MTF1: variants seen among roughly 807,000 people sequenced by gnomAD.
MTF1 encodes the protein MRE-binding transcription factor.
MTF1 carries 22 observed loss-of-function variants against 70.4 expected under a neutral mutation model. The observed-to-expected ratio is 0.31, with a 90% confidence interval of 0.22 to 0.45. MTF1 has a LOEUF of 0.45. Ranked by LOEUF, MTF1 falls within the 20% of genes least tolerant of loss-of-function variation. The probability of loss-of-function intolerance (pLI) is 1.00; values close to 1 mark genes in which losing one functional copy is unlikely to be tolerated. For synonymous variants in MTF1, 333 were observed against 352.8 expected (o/e 0.94, Z 0.63); for missense variants, 649 against 922.0 (o/e 0.70, Z 3.83).
At chr1:37,851,635 C>T (rs952506618) in intron 2 of MTF1, among the ~76,000 whole-genome samples, 2 of 152,144 alleles carry the variant, frequency 1.3e-5, no homozygotes, top group African/African-American at 4.8e-5. Flanking sequence ...ACATCAAAGG[C>T]TCTGAGAAGT....
At chr1:37,816,623 C>T (rs531369612) in intron 10 of MTF1, among the ~76,000 whole-genome samples, 13 of 144,100 alleles carry the variant, frequency 9.0e-5, no homozygotes, top group South Asian at 8.8e-4. Flanking sequence ...TGCAGTGAGC[C>T]GGGATTGCGC....
chr1:37,840,890 G>A lies in MTF1; in HGVS notation c.409-732C>T, dbSNP rs1641244902. The A allele has an allele frequency of 4.2e-6, 1 of 238,388 alleles. No homozygotes were observed. The highest frequency in any genetic ancestry group is 8.3e-6 in the Non-Finnish European group (1 of 121,008). 14.8% of individuals were successfully genotyped at this position (238,388 alleles called of 1,614,324 possible). ...CCCAGCAGCTTCCTCAGAGACTTTG[G>A]CAGGGATATTGGGGCCAGGGTCATG... On this transcript the variant is annotated intron_variant, in intron 2 of 10. Transcript: ENST00000373036. This position sits in a 1 kb window ranked among gnomAD's most constrained non-coding sequence, Gnocchi z 4.5.
At chr1:37,849,963 C>A (rs1176835927) in intron 2 of MTF1, among the ~76,000 whole-genome samples, 1 of 152,158 alleles carries the variant, frequency 6.6e-6, no homozygotes, top group Non-Finnish European at 1.5e-5. Context: ...CCTTAAAGGG[C>A]CAGACATGGT....
In MTF1 at chr1:37,814,844, C is replaced by A. The variant is rs144368138; in HGVS notation, c.*292G>T. 1.1e-4 allele frequency: 39 copies of A among 351,800 alleles called. No homozygotes were observed. Among genetic ancestry groups the A allele is most frequent in the African/African-American group, 7.8e-4 (37 of 47,622 alleles). 21.8% of individuals were successfully genotyped at this position (351,800 alleles called of 1,614,324 possible). On this transcript the variant is annotated 3_prime_UTR_variant, in exon 11 of 11. Transcript: ENST00000373036. ...TTAGAATTTTTATGCACACGAGTAACCTTAGTTTCCAAGTTCACATGACAA... is the reference window on the plus strand; with the variant it reads ...TTAGAATTTTTATGCACACGAGTAAACTTAGTTTCCAAGTTCACATGACAA...
intron 2 of MTF1, among the ~76,000 whole-genome samples, chr1:37,842,732 T>G (rs1353917194): frequency 6.6e-6 from 1 of 152,204 alleles, no homozygotes; most frequent in Non-Finnish European, 1.5e-5. Context: ...ATTTTTTTTT[T>G]TGTTTGAGAC....
chr1:37,852,889 C>T (rs1056520424), intron 2 of MTF1, among the ~76,000 whole-genome samples: 5 of 152,146 alleles, frequency 3.3e-5, no homozygotes, highest in South Asian at 4.1e-4. Flanking sequence ...CCTCTGCCTC[C>T]GAAAGTGCTG....
In MTF1 at chr1:37,812,550, G is replaced by A. The variant is rs570629779; in HGVS notation, c.*2586C>T. The A allele has an allele frequency of 6.6e-6, 1 of 152,274 alleles. No homozygotes were observed. Among genetic ancestry groups the A allele is most frequent in the East Asian group, 1.9e-4 (1 of 5,186 alleles). The allele number at this position is 152,274 out of a possible 1,614,324, so 9.4% of individuals were successfully genotyped here. ...TTTAAGATGCTGCTTCGTCACCCCC[G>A]ATCTTTGAGAGTGAAAAGGCCACTG... On this transcript the variant is annotated 3_prime_UTR_variant, in exon 11 of 11. Transcript: ENST00000373036.
Position 37,835,714 on chromosome 1 carries a change from A to G in MTF1, c.810T>C (p.Phe270=), listed in dbSNP as rs753295472. 3 of 1,614,192 alleles carry G rather than the reference A, an allele frequency of 1.9e-6. No individual in the cohort carries two copies. Among genetic ancestry groups the G allele is most frequent in the Non-Finnish European group, 1.7e-6 (2 of 1,180,034 alleles). Reference sequence around the variant, plus strand: ...GAGTTTTAAGGTGGTGGCTTGCTGCAAATGCTTTTCCACAGCCATCGTGAT... The same window carrying G: ...GAGTTTTAAGGTGGTGGCTTGCTGCGAATGCTTTTCCACAGCCATCGTGAT... ...RCDHDGCGKA[F]AASHHLKTHV... The change falls in exon 5 of 11, where the codon TTT becomes TTC. Residue 270 remains phenylalanine, a synonymous_variant. Transcript: ENST00000373036.
At chr1:37,842,532 T>C (rs1641270894) in intron 2 of MTF1, among the ~76,000 whole-genome samples, 1 of 152,202 alleles carries the variant, frequency 6.6e-6, no homozygotes, top group African/African-American at 2.4e-5. Context: ...CTTCACAACA[T>C]AGTAATGCCT....
rs1640728345 is a variant in MTF1, at chr1:37,811,236, A to G, written c.*3900T>C. On this transcript the variant is annotated 3_prime_UTR_variant, in exon 11 of 11. Transcript: ENST00000373036. ...CAGGACCCACAGCAGTTCTTCAGAG[A>G]GCCTGAGGGGGCGCCCTGGGGCACA... 1 of 152,724 alleles carries G rather than the reference A, an allele frequency of 6.5e-6. No individual in the cohort carries two copies. The highest frequency in any genetic ancestry group is 2.4e-5 in the African/African-American group (1 of 41,460). 9.5% of individuals were successfully genotyped at this position (152,724 alleles called of 1,614,324 possible). A position where few individuals can be genotyped will look rare whatever the true frequency, so the allele number is the denominator to read the frequency against.
intron 7 of MTF1, 50 bp downstream of exon 7, chr1:37,832,195 C>T (rs1486302628): frequency 7.9e-7 from 1 of 1,258,688 alleles, no homozygotes; most frequent in Non-Finnish European, 1.2e-6. Context: ...AAAGGGAGTG[C>T]TTAATTCTTG....
In MTF1 at chr1:37,835,777, A is replaced by G. The variant is rs375290633; in HGVS notation, c.780-33T>C. Reference sequence around the variant, plus strand: ...TGTTAAGGAAAGAGAAACAGGAGTCATTAGCTAATAGATCTTTATCCTGAA... The same window carrying G: ...TGTTAAGGAAAGAGAAACAGGAGTCGTTAGCTAATAGATCTTTATCCTGAA... On this transcript the variant is annotated intron_variant, in intron 4 of 10. Coordinates refer to ENST00000373036, the MANE Select transcript of MTF1 (RefSeq NM_005955.3). 81 of 1,540,392 alleles carry G rather than the reference A, an allele frequency of 5.3e-5. No individual in the cohort carries two copies. In the African/African-American group the frequency reaches 1.1e-3, roughly 20 times the overall value.
rs150013470 is a variant in MTF1 at position 37,853,058 on chromosome 1, T to C, written c.408+4193A>G. On this transcript the variant is annotated intron_variant, in intron 2 of 10. Transcript: ENST00000373036. ...CCATGAACAAGGCCACTATCCTTTCTTCAGATTTAAATGAAACCCCAAACA... is the reference window on the plus strand; with the variant it reads ...CCATGAACAAGGCCACTATCCTTTCCTCAGATTTAAATGAAACCCCAAACA... 1.5e-3 allele frequency among the ~76,000 whole-genome samples: 228 copies of C among 152,354 alleles called. 2 individuals are homozygous for C. The highest frequency in any genetic ancestry group is 5.1e-3 in the African/African-American group (214 of 41,580).
Position 37,822,162 on chromosome 1 carries a change from A to G in MTF1, c.1726T>C (p.Leu576=), listed in dbSNP as rs1390417567. The change falls in exon 9 of 11, where the codon TTA becomes CTA. Residue 576 remains leucine (L), a synonymous_variant. Transcript: ENST00000373036. The part of the protein sequence containing the change: ...VMGEQNLQWI[L]NGATSSPQNQ... ...TGTGGAGAACTGGTGGCACCATTTAATATCCATTGTAAGTTCTGTTCTCCC... is the reference window on the plus strand; with the variant it reads ...TGTGGAGAACTGGTGGCACCATTTAGTATCCATTGTAAGTTCTGTTCTCCC... 2 of 1,612,132 alleles carry G rather than the reference A, an allele frequency of 1.2e-6. No individual in the cohort carries two copies.
chr1:37,847,658 ACG>A (rs1403508070), intron 2 of MTF1, among the ~76,000 whole-genome samples: 1 of 152,166 alleles, frequency 6.6e-6, no homozygotes. Flanking sequence ...TATCCACAGA[ACG>A]CCTGCAGGGG....
At position 37,840,018 on chromosome 1, in the gene MTF1, G is replaced by A. The variant is rs1641232272; in HGVS notation, c.549C>T (p.Thr183=). ...GCACGTGGATCCTGAGGCTGTAAGA[G>A]GTAAGGAAGGCTTTGCCACAGCCCT... ...NQEGCGKAFL[T]SYSLRIHVRV... The change falls in exon 3 of 11, where the codon ACC becomes ACT. Residue 183 remains threonine (T), a synonymous_variant. Coordinates refer to ENST00000373036, the MANE Select transcript of MTF1 (RefSeq NM_005955.3). This position sits in a 1 kb window ranked among gnomAD's most constrained non-coding sequence, Gnocchi z 4.5. 4 of 1,614,104 alleles carry A rather than the reference G, an allele frequency of 2.5e-6. No homozygotes were observed. The highest frequency in any genetic ancestry group is 3.3e-5 in the Admixed American group (2 of 60,006).
intron 6 of MTF1, among the ~76,000 whole-genome samples, chr1:37,832,615 A>T (rs1435274322): frequency 6.6e-6 from 1 of 152,120 alleles, no homozygotes; most frequent in African/African-American, 2.4e-5. Context: ...ATATCTCCTA[A>T]TGCTATCCCT....
chr1:37,836,459 T>C (rs756746603), intron 4 of MTF1, among the ~76,000 whole-genome samples: 1 of 152,148 alleles, frequency 6.6e-6, no homozygotes, highest in Non-Finnish European at 1.5e-5. Flanking sequence ...AATCAGAAGA[T>C]AGGCTCAAGT....
In MTF1 at chr1:37,813,120, A is replaced by G. The variant is rs929699661; in HGVS notation, c.*2016T>C. 12 of 152,180 alleles carry G rather than the reference A, an allele frequency of 7.9e-5. No homozygotes were observed. Among genetic ancestry groups the G allele is most frequent in the African/African-American group, 2.7e-4 (11 of 41,412 alleles). 9.4% of individuals were successfully genotyped at this position (152,180 alleles called of 1,614,324 possible). A position where few individuals can be genotyped will look rare whatever the true frequency, so the allele number is the denominator to read the frequency against. On this transcript the variant is annotated 3_prime_UTR_variant, in exon 11 of 11. Transcript: ENST00000373036. ...ACATGGAGAAACCCCGTCTCTACTA[A>G]AAATACAAAATTAGCCAGGCGTGGT...
Sources: gnomAD v4.1 joint callset for allele counts (sites outside exome capture counted in the v4.1 genomes callset) on GRCh38, gnomAD v4.1.1 for gene constraint, Gnocchi (gnomAD v3.1) non-coding constraint, MANE v1.5 for transcripts, NCBI Gene and HGNC (gene_info 2026-07-23, HGNC 2026-07-21) for gene names.